The following RHBDD2 variants were observed in gnomAD, a reference collection of about 807,000 sequenced individuals.
RHBDD2 encodes the protein rhomboid domain containing 2, also known as rhomboid domain-containing protein 2.
RHBDD2 carries 13 observed loss-of-function variants against 21.7 expected under a neutral mutation model. That is an observed-to-expected ratio of 0.60 (90% CI 0.39 to 0.95). The LOEUF is 0.95. Ranked by LOEUF, RHBDD2 falls within the 40% of genes least tolerant of loss-of-function variation. The pLI, the probability that RHBDD2 is intolerant of heterozygous loss-of-function variation, is 0.00. For synonymous variants in RHBDD2, 225 were observed against 220.0 expected, an observed-to-expected ratio of 1.02 and a Z score of -0.20; for missense variants, 473 against 478.9, an observed-to-expected ratio of 0.99 and a Z score of 0.11.
Position 75,881,827 on chromosome 7 carries a change from A to C in RHBDD2, c.179-2A>C. 1 of 1,594,182 alleles carries C rather than the reference A, an allele frequency of 6.3e-7. No individual in the cohort carries two copies. Among genetic ancestry groups the C allele is most frequent in the Non-Finnish European group, 8.6e-7 (1 of 1,167,582 alleles). On this transcript the variant is annotated splice_acceptor_variant, in intron 1 of 3. Transcript: ENST00000006777. LOFTEE classifies it high-confidence loss of function. Reference sequence around the variant, plus strand: ...AGGCCTCTAACCCGACTCCCTCTGCAGTTTACAGGCTGGTAACCTACATCT... The same window carrying C: ...AGGCCTCTAACCCGACTCCCTCTGCCGTTTACAGGCTGGTAACCTACATCT...
In RHBDD2 at chr7:75,879,239, G is replaced by C. The variant is rs1805169437; in HGVS notation, c.157G>C (p.Glu53Gln). 6 of 1,518,476 alleles carry C rather than the reference G, an allele frequency of 4.0e-6. No individual in the cohort carries two copies. Among genetic ancestry groups the C allele is most frequent in the Non-Finnish European group, 5.3e-6 (6 of 1,132,442 alleles). The allele number at this position is 1,518,476 out of a possible 1,614,324, so 94.1% of individuals were successfully genotyped here. A position where few individuals can be genotyped will look rare whatever the true frequency, so the allele number is the denominator to read the frequency against. The change falls in exon 1 of 4, where the codon GAG becomes CAG. Residue 53 changes from glutamate (E) to glutamine (Q), a missense_variant. Coordinates refer to ENST00000006777, the MANE Select transcript of RHBDD2 (RefSeq NM_001040456.3). ...LAPSGLTLKSEALRNWQVYRL... is the reference protein window; with the variant it reads ...LAPSGLTLKSQALRNWQVYRL... The stretch of plus-strand genomic sequence containing the variant: ...GCCCTCGGGCCTCACGCTGAAGTCC[G>C]AGGCCCTTCGCAACTGGCAAGGTGA...
rs574461279 is a variant in RHBDD2, at chr7:75,885,291, A to G, written c.737+1443A>G. 1.9e-3 allele frequency among the ~76,000 whole-genome samples: 283 copies of G among 152,208 alleles called. 8 individuals are homozygous for G. In the South Asian group the frequency reaches 0.056, roughly 30 times the overall value. On this transcript the variant is annotated intron_variant, in intron 3 of 3. Coordinates refer to ENST00000006777, the MANE Select transcript of RHBDD2 (RefSeq NM_001040456.3). ...TTGTGTGGCCTGGCTGCTTCATTTT[A>G]TAGAGGAGGCCCAAAGAAGACAAGG...
In RHBDD2 at chr7:75,883,761, C is replaced by A; in HGVS notation, c.650C>A (p.Thr217Asn). The change falls in exon 3 of 4, where the codon ACC becomes AAC. Residue 217 changes from threonine (T) to asparagine (N), a missense_variant. Coordinates refer to ENST00000006777, the MANE Select transcript of RHBDD2 (RefSeq NM_001040456.3). ...SERVALKLDQ[T>N]FPFSLMRRIS... ...CGAGTGGCACTGAAGCTCGATCAGA[C>A]CTTCCCCTTCAGCCTGATGAGGAGG... 2 of 1,613,558 alleles carry A rather than the reference C, an allele frequency of 1.2e-6. No homozygotes were observed. Among genetic ancestry groups the A allele is most frequent in the Non-Finnish European group, 1.7e-6 (2 of 1,179,502 alleles).
chr7:75,883,623 C>T, intron 2 of RHBDD2, 75 bp from the exon 3 acceptor site: 1 of 1,320,476 alleles, frequency 7.6e-7, no homozygotes, highest in Non-Finnish European at 1.1e-6. Flanking sequence ...TGAGTGGGAA[C>T]CTGTGTTCTC....
At chr7:75,879,364 A>G in intron 1 of RHBDD2, 104 bp downstream of exon 1, 1 of 1,120,000 alleles carries the variant, frequency 8.9e-7, no homozygotes, top group Non-Finnish European at 1.2e-6. Flanking sequence ...CCTCACCGCC[A>G]GTCTCCCCCT....
intron 3 of RHBDD2, among the ~76,000 whole-genome samples, chr7:75,887,473 A>T (rs1805749161): frequency 6.6e-6 from 1 of 150,902 alleles, no homozygotes; most frequent in Non-Finnish European, 1.5e-5. Context: ...GCCTGCCACC[A>T]CACCTGGCTA....
Position 75,888,711 on chromosome 7 carries a change from G to C in RHBDD2, c.*362G>C. ...TCCCTGTGGCTGTGCCGTGCTCGTG[G>C]TTTCAGTGTCCGTGTGTCCATGTGT... On this transcript the variant is annotated 3_prime_UTR_variant, in exon 4 of 4. Coordinates refer to ENST00000006777, the MANE Select transcript of RHBDD2 (RefSeq NM_001040456.3). 1 of 276,142 alleles carries C rather than the reference G, an allele frequency of 3.6e-6. No individual in the cohort carries two copies. The highest frequency in any genetic ancestry group is 2.2e-5 in the African/African-American group (1 of 45,920). The allele number at this position is 276,142 out of a possible 1,614,324, so 17.1% of individuals were successfully genotyped here.
At chr7:75,884,985 T>C (rs1332155082) in intron 3 of RHBDD2, among the ~76,000 whole-genome samples, 1 of 151,580 alleles carries the variant, frequency 6.6e-6, no homozygotes, top group Non-Finnish European at 1.5e-5. Context: ...GTGGTGGTGG[T>C]TGCCTGTAAT....
At chr7:75,880,202 C>T (rs1012119716) in intron 1 of RHBDD2, 6 of 151,978 alleles carry the variant, frequency 3.9e-5, no homozygotes, top group Non-Finnish European at 4.4e-5. Flanking sequence ...AAATCATGTA[C>T]AGTTGCTTCT....
intron 3 of RHBDD2, among the ~76,000 whole-genome samples, chr7:75,886,338 G>T (rs1271433868): frequency 8.5e-5 from 13 of 152,136 alleles, no homozygotes; most frequent in Non-Finnish European, 1.8e-4. Flanking sequence ...AATTCCTGGG[G>T]TCTCAATGTG....
At chr7:75,882,492 A>G (rs1450756638) in intron 2 of RHBDD2, among the ~76,000 whole-genome samples, 4 of 151,776 alleles carry the variant, frequency 2.6e-5, no homozygotes, top group African/African-American at 9.7e-5. Flanking sequence ...GCTAATTTTT[A>G]TATTTTCTTT....
intron 1 of RHBDD2, chr7:75,881,468 C>A: frequency 7.7e-7 from 1 of 1,302,828 alleles, no homozygotes; most frequent in Non-Finnish European, 1.0e-6. Flanking sequence ...CTTAATTAAC[C>A]CTCAAACTGC....
Position 75,879,057 on chromosome 7 carries a change from G to C in RHBDD2, c.-26G>C. Reference sequence around the variant, plus strand: ...GCAGAGGACCGGCAGCCGGCGTCGAGGCGGGGCGCGGGAACGACGGCGGCC... The same window carrying C: ...GCAGAGGACCGGCAGCCGGCGTCGACGCGGGGCGCGGGAACGACGGCGGCC... On this transcript the variant is annotated 5_prime_UTR_variant, in exon 1 of 4. Transcript: ENST00000006777. 2 of 1,367,594 alleles carry C rather than the reference G, an allele frequency of 1.5e-6. No individual in the cohort carries two copies. Among genetic ancestry groups the C allele is most frequent in the Non-Finnish European group, 1.9e-6 (2 of 1,056,968 alleles). 84.7% of individuals were successfully genotyped at this position (1,367,594 alleles called of 1,614,324 possible).
At chr7:75,881,801 C>G (rs1805338533) in intron 1 of RHBDD2, 28 bp from the exon 2 acceptor site, 1 of 1,562,188 alleles carries the variant, frequency 6.4e-7, no homozygotes, top group Non-Finnish European at 8.7e-7. Flanking sequence ...AACCCGCCGC[C>G]AGGCCTCTAA....
intron 3 of RHBDD2, among the ~76,000 whole-genome samples, chr7:75,887,474 C>T (rs948552097): frequency 2.0e-5 from 3 of 151,654 alleles, no homozygotes; most frequent in African/African-American, 7.3e-5. Context: ...CCTGCCACCA[C>T]ACCTGGCTAA....
In RHBDD2 at chr7:75,879,164, T is replaced by C; in HGVS notation, c.82T>C (p.Ser28Pro). The C allele has an allele frequency of 6.6e-7, 1 of 1,505,792 alleles. No individual in the cohort carries two copies. The highest frequency in any genetic ancestry group is 8.9e-7 in the Non-Finnish European group (1 of 1,124,732). The allele number at this position is 1,505,792 out of a possible 1,614,324, so 93.3% of individuals were successfully genotyped here. The change falls in exon 1 of 4, where the codon TCG (serine) becomes CCG (proline). Residue 28 changes from serine (S) to proline (P), a missense_variant. Physicochemically the swap from Ser to Pro is moderately conservative, Grantham distance 74 (BLOSUM62 -1). Transcript: ENST00000006777. ...CGCCACCTTCTTCACTGCGCTGCTC[T>C]CGCTGCTGGTTTCCGGGCCTCGCCT... ...PSATFFTALLSLLVSGPRLFL... is the reference protein window; with the variant it reads ...PSATFFTALLPLLVSGPRLFL...
intron 3 of RHBDD2, among the ~76,000 whole-genome samples, chr7:75,885,569 A>G (rs1805611013): frequency 6.6e-6 from 1 of 152,200 alleles, no homozygotes; most frequent in Non-Finnish European, 1.5e-5. Flanking sequence ...TGCTATAAAG[A>G]AATACCTGAG....
intron 1 of RHBDD2, chr7:75,881,301 GAT>G (rs1585054730): frequency 1.6e-6 from 2 of 1,230,624 alleles, no homozygotes; most frequent in East Asian, 1.1e-4. Flanking sequence ...TATTGTTAAT[GAT>G]AGTGTTATAA....
rs1045354712 is a variant in RHBDD2, at chr7:75,888,468, C to G, written c.*119C>G. 9 of 810,652 alleles carry G rather than the reference C, an allele frequency of 1.1e-5. No individual in the cohort carries two copies. Among genetic ancestry groups the G allele is most frequent in the African/African-American group, 1.7e-5 (1 of 58,934 alleles). The allele number at this position is 810,652 out of a possible 1,614,324, so 50.2% of individuals were successfully genotyped here. A position where few individuals can be genotyped will look rare whatever the true frequency, so the allele number is the denominator to read the frequency against. On this transcript the variant is annotated 3_prime_UTR_variant, in exon 4 of 4. Transcript: ENST00000006777. Reference sequence around the variant, plus strand: ...CAGGCTCTGTGTTGGGTACTTTGATCAATGCCCCTGTTTCAGTCTCATCTG... The same window carrying G: ...CAGGCTCTGTGTTGGGTACTTTGATGAATGCCCCTGTTTCAGTCTCATCTG...
Sources: allele counts gnomAD v4.1 joint callset (sites outside exome capture counted in the v4.1 genomes callset), GRCh38; gene constraint gnomAD v4.1.1; transcripts MANE v1.5; gene names NCBI Gene and HGNC (gene_info 2026-07-23, HGNC 2026-07-21).